Variants in MAGI1 observed in about 807,000 individuals in gnomAD.
The protein encoded by MAGI1 is membrane associated guanylate kinase, WW and PDZ domain containing 1, also known as membrane-associated guanylate kinase, WW and PDZ domain-containing protein 1.
MAGI1 carries 58 observed loss-of-function variants against 139.9 expected under a neutral mutation model. That is an observed-to-expected ratio of 0.41 (90% CI 0.34 to 0.52). The LOEUF is 0.52. MAGI1 is among the 20% of genes least tolerant of loss of function. The pLI, the probability that MAGI1 is intolerant of heterozygous loss-of-function variation, is 0.12. For synonymous variants in MAGI1, 812 were observed against 737.9 expected, an observed-to-expected ratio of 1.10 and a Z score of -1.63; for missense variants, 1,874 against 1,901.6, an observed-to-expected ratio of 0.99 and a Z score of 0.27.
At chr3:65,736,154 C>T (rs1237948931) in intron 1 of MAGI1, among the ~76,000 whole-genome samples, 1 of 152,206 alleles carries the variant, frequency 6.6e-6, no homozygotes, top group Non-Finnish European at 1.5e-5. Context: ...TCATTCAATT[C>T]TCTTATGGTT....
At chr3:65,810,470 G>T (rs910788580) in intron 1 of MAGI1, among the ~76,000 whole-genome samples, 2 of 152,208 alleles carry the variant, frequency 1.3e-5, no homozygotes, top group Non-Finnish European at 1.5e-5. Context: ...GTGTTGATTA[G>T]GAACACAAGT....
intron 2 of MAGI1, among the ~76,000 whole-genome samples, chr3:65,598,230 G>T (rs1049852537): frequency 6.6e-6 from 1 of 152,142 alleles, no homozygotes; most frequent in Admixed American, 6.5e-5. Context: ...CTGCGGAGGG[G>T]GCGGGGACTG....
rs1559605596 is a variant in MAGI1, at chr3:65,493,719, C to A, written c.431-88G>T. The A allele has an allele frequency of 1.0e-5, 15 of 1,494,848 alleles. No individual in the cohort carries two copies. In the East Asian group the frequency reaches 3.4e-4, roughly 34 times the overall value. The allele number at this position is 1,494,848 out of a possible 1,614,324, so 92.6% of individuals were successfully genotyped here. A position where few individuals can be genotyped will look rare whatever the true frequency, so the allele number is the denominator to read the frequency against. ...CCAGGTGTAATTAAAATAACCTGTT[C>A]AGTAAGAGGGCGTACCTAAGACTCT... On this transcript the variant is annotated intron_variant, in intron 2 of 22. Transcript: ENST00000402939.
intron 1 of MAGI1, among the ~76,000 whole-genome samples, chr3:65,646,709 A>G (rs1366725520): frequency 6.6e-6 from 1 of 152,174 alleles, no homozygotes; most frequent in Non-Finnish European, 1.5e-5. Context: ...TGTTCTCTAA[A>G]TAGAAGAGAA....
intron 2 of MAGI1, among the ~76,000 whole-genome samples, chr3:65,515,656 C>T (rs1437877786): frequency 1.3e-5 from 2 of 152,038 alleles, no homozygotes; most frequent in Admixed American, 6.5e-5. Flanking sequence ...AGAAATAAAC[C>T]CTATCAACAG....
chr3:65,498,926 G>A, intron 2 of MAGI1: 2 of 816,870 alleles, frequency 2.4e-6, no homozygotes, highest in Non-Finnish European at 3.0e-6. Context: ...TCAACCATGA[G>A]AATATCTGAG....
At chr3:65,889,689 C>T (rs1052024764) in intron 1 of MAGI1, among the ~76,000 whole-genome samples, 1 of 152,078 alleles carries the variant, frequency 6.6e-6, no homozygotes, top group East Asian at 1.9e-4. Context: ...GTGAAAGAAT[C>T]TGTACTAATA....
At chr3:65,562,690 T>C (rs559325532) in intron 2 of MAGI1, among the ~76,000 whole-genome samples, 29 of 152,328 alleles carry the variant, frequency 1.9e-4, no homozygotes, top group African/African-American at 6.3e-4. Flanking sequence ...TATGGTAAAC[T>C]TCCTTTTGTA....
intron 1 of MAGI1, among the ~76,000 whole-genome samples, chr3:65,889,375 A>G (rs2060652331): frequency 6.6e-6 from 1 of 152,200 alleles, no homozygotes; most frequent in East Asian, 1.9e-4. Flanking sequence ...CATATTTTGT[A>G]TCTGCACAGA....
At chr3:65,832,038 GC>G (rs1431507869) in intron 1 of MAGI1, among the ~76,000 whole-genome samples, 1 of 152,128 alleles carries the variant, frequency 6.6e-6, no homozygotes, top group Non-Finnish European at 1.5e-5. Context: ...TTAACGTTTT[GC>G]TGTCATCATT....
At chr3:65,468,245 A>C (rs1221439825) in intron 5 of MAGI1, among the ~76,000 whole-genome samples, 4 of 152,042 alleles carry the variant, frequency 2.6e-5, no homozygotes, top group African/African-American at 9.7e-5. Flanking sequence ...TTTAAAAAGC[A>C]TTTGTCATTA....
intron 1 of MAGI1, among the ~76,000 whole-genome samples, chr3:65,748,057 C>T (rs1207710300): frequency 6.6e-6 from 1 of 152,172 alleles, no homozygotes; most frequent in East Asian, 1.9e-4. Flanking sequence ...AGGACTCCTC[C>T]TCTCTCCGAA....
intron 2 of MAGI1, among the ~76,000 whole-genome samples, chr3:65,581,527 C>G (rs2081423595): frequency 6.6e-6 from 1 of 152,136 alleles, no homozygotes; most frequent in African/African-American, 2.4e-5. Context: ...GCCACACTGT[C>G]CCTGCCCCCT....
chr3:65,379,063 G>T, intron 17 of MAGI1, 198 bp downstream of exon 17: 2 of 1,132,612 alleles, frequency 1.8e-6, no homozygotes, highest in Non-Finnish European at 2.5e-6. Context: ...AGTTGAAAGG[G>T]TTGAACAAAT....
intron 2 of MAGI1, among the ~76,000 whole-genome samples, chr3:65,530,854 C>CACATAT (rs138048319): frequency 3.7e-5 from 4 of 108,162 alleles, no homozygotes; most frequent in African/African-American, 1.2e-4. Flanking sequence ...CACACACACA[C>CACATAT]ATATATATAT....
chr3:65,887,503 T>A (rs2060581897), intron 1 of MAGI1, among the ~76,000 whole-genome samples: 1 of 151,974 alleles, frequency 6.6e-6, no homozygotes, highest in South Asian at 2.1e-4. Flanking sequence ...TAACTTCTAC[T>A]GTGCATTAAA....
chr3:65,527,828 T>C (rs1031060548), intron 2 of MAGI1, among the ~76,000 whole-genome samples: 1 of 151,012 alleles, frequency 6.6e-6, no homozygotes, highest in African/African-American at 2.4e-5. Context: ...GGTAGGAGAA[T>C]TGCTTGAACC....
intron 1 of MAGI1, among the ~76,000 whole-genome samples, chr3:65,809,744 A>G (rs2108186390): frequency 6.6e-6 from 1 of 152,300 alleles, no homozygotes; most frequent in East Asian, 1.9e-4. Flanking sequence ...AGGAAGGGAA[A>G]TGGATATTAT....
chr3:65,704,519 A>G (rs891307901), intron 1 of MAGI1, among the ~76,000 whole-genome samples: 3 of 152,076 alleles, frequency 2.0e-5, no homozygotes, highest in African/African-American at 4.8e-5. Context: ...TCTGTTCCTT[A>G]TTATCTCTGT....
Sources: allele counts gnomAD v4.1 joint callset (sites outside exome capture counted in the v4.1 genomes callset), GRCh38; gene constraint gnomAD v4.1.1; transcripts MANE v1.5; gene names NCBI Gene and HGNC (gene_info 2026-07-23, HGNC 2026-07-21).